The following AKNA variants were observed in gnomAD, a reference collection of about 807,000 sequenced individuals.
AKNA encodes the protein microtubule organization protein AKNA.
AKNA carries 67 observed loss-of-function variants against 138.8 expected under a neutral mutation model. The ratio of observed to expected loss-of-function variants is 0.48; its 90% CI spans 0.40 to 0.59. AKNA has a LOEUF of 0.59. Among genes scored for constraint, AKNA ranks in the 20% least tolerant of loss-of-function variants. The pLI is 0.00. For synonymous variants in AKNA, 737 were observed against 754.4 expected (o/e 0.98, Z 0.38); for missense variants, 1,813 against 1,880.4 (o/e 0.96, Z 0.66).
chr9:114,380,931 C>A, intron 2 of AKNA, 129 bp downstream of exon 2: 2 of 1,123,108 alleles, frequency 1.8e-6, no homozygotes, highest in African/African-American at 1.8e-5. Context: ...TGTAGTGAGC[C>A]GAGATCGTGC....
Position 114,361,808 on chromosome 9 carries a change from C to T in AKNA, c.2020G>A (p.Ala674Thr). 1 of 1,613,856 alleles carries T rather than the reference C, an allele frequency of 6.2e-7. No homozygotes were observed. Among genetic ancestry groups the T allele is most frequent in the South Asian group, 1.1e-5 (1 of 91,074 alleles). Residue 674 changes from alanine (A) to threonine (T), a missense_variant, in exon 9 of 22, where the codon GCT (alanine) becomes ACT (threonine). Transcript: ENST00000374088. ...QEPEPPGSDS[A>T]LDSTPALPCL... The stretch of plus-strand genomic sequence containing the variant: ...GGCAGGGCTGGGGTGCTGTCCAGAG[C>T]TGAGTCTGACCCGGGCGGCTCAGGC...
Position 114,374,150 on chromosome 9 carries a change from G to C in AKNA, c.1359C>G (p.Leu453=). ...VHQLQEDYHR[L]LTKYAEAENT... is the part of the protein sequence containing the mutation. ...TCTCGGCCTCAGCGTACTTGGTGAGGAGCCTGTGGTAGTCTTCCTGCAGAA... is the reference window on the plus strand; with the variant it reads ...TCTCGGCCTCAGCGTACTTGGTGAGCAGCCTGTGGTAGTCTTCCTGCAGAA... Residue 453 remains leucine (L), a synonymous_variant, in exon 4 of 22, where the codon CTC becomes CTG. Coordinates refer to ENST00000374088, the MANE Select transcript of AKNA (RefSeq NM_001317950.2). The C allele has an allele frequency of 6.4e-7, 1 of 1,558,216 alleles. No individual in the cohort carries two copies. The highest frequency in any genetic ancestry group is 8.7e-7 in the Non-Finnish European group (1 of 1,150,418).
Position 114,368,445 on chromosome 9 carries a change from C to T in AKNA, c.1567G>A (p.Ala523Thr). The T allele has an allele frequency of 7.6e-7, 1 of 1,320,266 alleles. No homozygotes were observed. The highest frequency in any genetic ancestry group is 9.7e-7 in the Non-Finnish European group (1 of 1,025,704). 81.8% of individuals were successfully genotyped at this position (1,320,266 alleles called of 1,614,324 possible). Residue 523 changes from alanine (A) to threonine (T), a missense_variant, in exon 5 of 22, where the codon GCC (alanine) becomes ACC (threonine). Physicochemically the swap from Ala to Thr is moderately conservative, Grantham distance 58. Transcript: ENST00000374088. The part of the protein sequence containing the change: ...GPAEDPQASA[A>T]SGWPSARGDL... ...GCTCTTCTCCCGGACTCACCTGAGG[C>T]CGCAGAGGCCTGGGGGTCCTCGGCC...
Position 114,343,760 on chromosome 9 carries a change from G to A in AKNA, c.3705C>T (p.Gly1235=). ...AGTGGGGACAGGAGACTGTGCCATT[G>A]CCTTTTGGGACCGCCTTAGGGGACA... ...HVLSPKAVPK[G]NGTVSCPHCR... is the part of the protein sequence containing the mutation. Residue 1235 remains glycine (G), a synonymous_variant, in exon 19 of 22, where the codon GGC becomes GGT. Transcript: ENST00000374088. 3 of 1,614,176 alleles carry A rather than the reference G, an allele frequency of 1.9e-6. No homozygotes were observed. Among genetic ancestry groups the A allele is most frequent in the Non-Finnish European group, 2.5e-6 (3 of 1,180,008 alleles).
At position 114,376,655 on chromosome 9, in the gene AKNA, G is replaced by T. The variant is rs781152372; in HGVS notation, c.1152C>A (p.His384Gln). The change falls in exon 3 of 22, where the codon CAC becomes CAA. Residue 384 changes from histidine to glutamine, a missense_variant. Transcript: ENST00000374088. ...TGGCAGGGGCCTGAGGCTTCCTGTT[G>T]TGGCTTCTGGACTTGGGGGGACGGT... The part of the protein sequence containing the change: ...ESYRPPKSRS[H>Q]NRKPQAPARP... The T allele has an allele frequency of 1.2e-5, 19 of 1,613,856 alleles. No homozygotes were observed. Among genetic ancestry groups the T allele is most frequent in the South Asian group, 8.8e-5 (8 of 91,078 alleles).
chr9:114,356,804 A>G, intron 13 of AKNA, 59 bp downstream of exon 13: 1 of 1,433,282 alleles, frequency 7.0e-7, no homozygotes, highest in Admixed American at 2.6e-5. Flanking sequence ...AGGCACTGTG[A>G]TTCCCAGGCT....
Position 114,350,555 on chromosome 9 carries a change from C to T in AKNA, c.3221+304G>A, listed in dbSNP as rs535702316. On this transcript the variant is annotated intron_variant, in intron 15 of 21. Transcript: ENST00000374088. The stretch of plus-strand genomic sequence containing the variant: ...ATGGTCAAATTGCAGAAAAGATAGC[C>T]CTAGAAAGGACAGGCTTTTCTCGGA... Among the ~76,000 whole-genome samples the T allele has an allele frequency of 6.6e-5, 10 of 152,254 alleles. No homozygotes were observed. In the South Asian group the frequency reaches 1.9e-3, roughly 28 times the overall value.
Position 114,337,012 on chromosome 9 carries a change from T to TGGGGGGGGGGGGGGGGGGGGGG in AKNA, c.*41_*42insCCCCCCCCCCCCCCCCCCCCCC. On this transcript the variant is annotated 3_prime_UTR_variant, in exon 22 of 22. Transcript: ENST00000374088. Reference sequence around the variant, plus strand: ...CCCACTCCTGGCCTGGCAGGCCACCTGCCCACCCACCCACCCATCTGCCTC... The same window carrying TGGGGGGGGGGGGGGGGGGGGGG: ...CCCACTCCTGGCCTGGCAGGCCACCTGGGGGGGGGGGGGGGGGGGGGGGCCCACCCACCCACCCATCTGCCTC... The TGGGGGGGGGGGGGGGGGGGGGG allele has an allele frequency of 5.8e-6, 7 of 1,208,220 alleles. No individual in the cohort carries two copies. The highest frequency in any genetic ancestry group is 6.5e-6 in the Non-Finnish European group (6 of 929,348). 74.8% of individuals were successfully genotyped at this position (1,208,220 alleles called of 1,614,324 possible). A position where few individuals can be genotyped will look rare whatever the true frequency, so the allele number is the denominator to read the frequency against.
At position 114,347,780 on chromosome 9, in the gene AKNA, G is replaced by A. The variant is rs763612518; in HGVS notation, c.3342C>T (p.Ala1114=). 19 of 1,548,218 alleles carry A rather than the reference G, an allele frequency of 1.2e-5. No homozygotes were observed. In the South Asian group the frequency reaches 2.3e-4, roughly 19 times the overall value. Residue 1114 remains alanine (A), a synonymous_variant, in exon 16 of 22, where the codon GCC becomes GCT. Coordinates refer to ENST00000374088, the MANE Select transcript of AKNA (RefSeq NM_001317950.2). ...TRPASAFDRP[A]RTRGRPADSP... Reference sequence around the variant, plus strand: ...AGTCTGCTGGCCGGCCGCGGGTCCGGGCGGGGCGGTCAAAGGCAGATGCTG... The same window carrying A: ...AGTCTGCTGGCCGGCCGCGGGTCCGAGCGGGGCGGTCAAAGGCAGATGCTG...
chr9:114,331,894 C>T, downstream of AKNA: 2 of 1,613,874 alleles, frequency 1.2e-6, no homozygotes, highest in Admixed American at 3.3e-5. Flanking sequence ...CTTGTGCATT[C>T]CCAGGTCAGA....
chr9:114,371,834 G>A (rs1832790700), intron 4 of AKNA, among the ~76,000 whole-genome samples: 1 of 152,038 alleles, frequency 6.6e-6, no homozygotes, highest in South Asian at 2.1e-4. Flanking sequence ...AGAGTGAAAT[G>A]GCTCGGTGGG....
intron 4 of AKNA, 93 bp from the exon 5 acceptor site, chr9:114,368,688 G>A (rs937895252): frequency 7.4e-6 from 8 of 1,080,428 alleles, no homozygotes; most frequent in Middle Eastern, 2.2e-4. Context: ...CAACACACAT[G>A]CCCTGTAGTA....
chr9:114,350,394 T>C (rs1437938809), intron 15 of AKNA, among the ~76,000 whole-genome samples: 1 of 151,996 alleles, frequency 6.6e-6, no homozygotes, highest in African/African-American at 2.4e-5. Flanking sequence ...AGAGGAGGTG[T>C]GAGAGAACTG....
chr9:114,381,982 G>A (rs1564096040), intron 1 of AKNA, among the ~76,000 whole-genome samples: 1 of 152,166 alleles, frequency 6.6e-6, no homozygotes, highest in Non-Finnish European at 1.5e-5. Flanking sequence ...ATGAGACACA[G>A]GATGAGGAGC....
rs191775518 is a variant in AKNA, at chr9:114,352,329, G to A, written c.3059-1308C>T. On this transcript the variant is annotated intron_variant, in intron 14 of 21. Transcript: ENST00000374088. Reference sequence around the variant, plus strand: ...AGTTTAATTAAAGGCCGGGCGTGGCGGCTCACACCTATAATCCCAGCACTT... The same window carrying A: ...AGTTTAATTAAAGGCCGGGCGTGGCAGCTCACACCTATAATCCCAGCACTT... Among the ~76,000 whole-genome samples the A allele has an allele frequency of 1.5e-3, 227 of 152,328 alleles. 6 individuals carry two copies. Among genetic ancestry groups the A allele is most frequent in the Middle Eastern group, 3.4e-3 (1 of 294 alleles).
In AKNA at chr9:114,381,639, C is replaced by T. The variant is rs192865701; in HGVS notation, c.-113-193G>A. ...CATCAATAAAGCTGGGATAATAATT[C>T]CTCTCTCTCTCCAGGGTTTTTTTTT... On this transcript the variant is annotated intron_variant, in intron 1 of 21. Transcript: ENST00000374088. Among the ~76,000 whole-genome samples, 530 of 149,078 alleles carry T rather than the reference C, an allele frequency of 3.6e-3. 4 individuals are homozygous for T. Among genetic ancestry groups the T allele is most frequent in the Non-Finnish European group, 6.2e-3 (418 of 67,496 alleles).
intron 14 of AKNA, among the ~76,000 whole-genome samples, chr9:114,351,643 T>C (rs1046353727): frequency 1.9e-5 from 2 of 103,426 alleles, no homozygotes; most frequent in African/African-American, 9.8e-5. Context: ...AAAGACCCCA[T>C]CTTTGCAAAA....
chr9:114,368,548 C>A lies in AKNA; in HGVS notation c.1464G>T (p.Thr488=), dbSNP rs62640863. 14 of 1,395,180 alleles carry A rather than the reference C, an allele frequency of 1.0e-5. No homozygotes were observed. Among genetic ancestry groups the A allele is most frequent in the Non-Finnish European group, 1.2e-5 (13 of 1,068,374 alleles). 86.4% of individuals were successfully genotyped at this position (1,395,180 alleles called of 1,614,324 possible). Residue 488 remains threonine (T), a synonymous_variant, in exon 5 of 22, where the codon ACG becomes ACT. Coordinates refer to ENST00000374088, the MANE Select transcript of AKNA (RefSeq NM_001317950.2). ...DPPQPNHSIH[T]GMVPQGTKVL... is the part of the protein sequence containing the mutation. Reference sequence around the variant, plus strand: ...CCTTGGTCCCCTGGGGCACCATTCCCGTGTGGATGCTGTGGTTGGGCTGGG... The same window carrying A: ...CCTTGGTCCCCTGGGGCACCATTCCAGTGTGGATGCTGTGGTTGGGCTGGG...
chr9:114,344,065 T>C, intron 18 of AKNA: 1 of 353,206 alleles, frequency 2.8e-6, no homozygotes, highest in East Asian at 5.9e-5. Flanking sequence ...TCCTATTCTG[T>C]TTCATCTCAG....
Sources: allele counts gnomAD v4.1 joint callset (sites outside exome capture counted in the v4.1 genomes callset), GRCh38; gene constraint gnomAD v4.1.1; transcripts MANE v1.5; gene names NCBI Gene and HGNC (gene_info 2026-07-23, HGNC 2026-07-21).